The following GLP2R variants were observed in gnomAD, a reference collection of about 807,000 sequenced individuals.
The protein encoded by GLP2R is glucagon like peptide 2 receptor.
In GLP2R, 59 loss-of-function variants were observed where a neutral mutation model predicts 68.2. The observed-to-expected ratio is 0.87, with a 90% CI of 0.70 to 1.07. GLP2R has a LOEUF of 1.07. GLP2R is among the 50% of genes least tolerant of loss of function. The pLI is 0.00. For missense variants in GLP2R, 548 were observed against 677.4 expected, an observed-to-expected ratio of 0.81 and a Z score of 2.12; for synonymous variants, 270 against 265.4, an observed-to-expected ratio of 1.02 and a Z score of -0.17.
chr17:9,837,524 T>C (rs558928746), intron 3 of GLP2R, among the ~76,000 whole-genome samples: 2 of 152,284 alleles, frequency 1.3e-5, no homozygotes, highest in East Asian at 3.9e-4. Context: ...GAAGAAGGAT[T>C]TTCAAAGAAC....
chr17:9,879,984 G>A (rs2067180860), intron 10 of GLP2R, among the ~76,000 whole-genome samples: 1 of 152,174 alleles, frequency 6.6e-6, no homozygotes, highest in South Asian at 2.1e-4. Context: ...CCGGAGTAAA[G>A]AAAGAGATAG....
intron 11 of GLP2R, 110 bp from the exon 12 acceptor site, chr17:9,887,822 C>T: frequency 2.5e-6 from 2 of 800,536 alleles, no homozygotes; most frequent in Non-Finnish European, 4.6e-6. Flanking sequence ...AGTTGCACGC[C>T]TCTTCTGGAG....
intron 10 of GLP2R, among the ~76,000 whole-genome samples, chr17:9,878,304 T>C (rs1256110329): frequency 5.9e-5 from 9 of 152,192 alleles, no homozygotes; most frequent in Admixed American, 5.9e-4. Flanking sequence ...GGACACTTTT[T>C]CTAGAAATAT....
intron 9 of GLP2R, among the ~76,000 whole-genome samples, chr17:9,864,642 C>A (rs2067018404): frequency 6.6e-6 from 1 of 152,104 alleles, no homozygotes; most frequent in Admixed American, 6.5e-5. Context: ...TGTGCCTCAG[C>A]CTCCCTAGTA....
At chr17:9,842,662 C>A (rs770093730) in intron 4 of GLP2R, 46 bp downstream of exon 4, 2 of 1,607,632 alleles carry the variant, frequency 1.2e-6, no homozygotes, top group South Asian at 1.1e-5. Flanking sequence ...GTCCAAACCA[C>A]CCTCCTTCGG....
At chr17:9,830,684 A>G (rs776796766) in intron 1 of GLP2R, among the ~76,000 whole-genome samples, 3 of 152,214 alleles carry the variant, frequency 2.0e-5, no homozygotes, top group Non-Finnish European at 2.9e-5. Context: ...AGGGAAGTAC[A>G]GTGATATGTA....
At chr17:9,886,516 C>A (rs2067245398) in intron 11 of GLP2R, among the ~76,000 whole-genome samples, 2 of 152,214 alleles carry the variant, frequency 1.3e-5, no homozygotes, top group Non-Finnish European at 2.9e-5. Context: ...TGCCCAGAGG[C>A]AAATATTACC....
At chr17:9,835,297 G>A (rs2066717014) in intron 2 of GLP2R, among the ~76,000 whole-genome samples, 1 of 152,074 alleles carries the variant, frequency 6.6e-6, no homozygotes, top group African/African-American at 2.4e-5. Flanking sequence ...AGCCTAATAG[G>A]GAGCAGATGG....
At chr17:9,876,615 A>G (rs569427098) in intron 10 of GLP2R, among the ~76,000 whole-genome samples, 80 of 152,284 alleles carry the variant, frequency 5.3e-4, no homozygotes, top group Admixed American at 1.8e-3. Context: ...AGAAGGTCAG[A>G]AAATCCTTCC....
chr17:9,830,769 TTTGATGATG>T (rs2066672991), intron 1 of GLP2R, among the ~76,000 whole-genome samples: 1 of 152,150 alleles, frequency 6.6e-6, no homozygotes, highest in Admixed American at 6.5e-5. Flanking sequence ...CCCCCTCCCT[TTTGATGATG>T]TTGTCTCTTT....
At chr17:9,881,922 G>A (rs2067199721) in intron 11 of GLP2R, among the ~76,000 whole-genome samples, 1 of 152,054 alleles carries the variant, frequency 6.6e-6, no homozygotes, top group Non-Finnish European at 1.5e-5. Context: ...AAATGTTGGT[G>A]TGGGGGCAGG....
intron 1 of GLP2R, among the ~76,000 whole-genome samples, chr17:9,828,055 C>T (rs1032918291): frequency 5.3e-5 from 8 of 152,078 alleles, no homozygotes; most frequent in Non-Finnish European, 1.0e-4. Flanking sequence ...CTAAACCCCT[C>T]CAATCCCCAT....
At position 9,836,389 on chromosome 17, in the gene GLP2R, C is replaced by T; in HGVS notation, c.296C>T (p.Thr99Ile). ...TCTGTAGGCATATTTTGTAACGGGA[C>T]ATTTGATCAGTACGTGTGTTGGCCT... Reference protein sequence around the residue: ...KEPSGIFCNGTFDQYVCWPHS... With the variant: ...KEPSGIFCNGIFDQYVCWPHS... Residue 99 changes from threonine to isoleucine, a missense_variant, in exon 3 of 13, where the codon ACA becomes ATA. By Grantham distance (89) the Thr-to-Ile change is moderately conservative. Transcript: ENST00000262441. 1.9e-6 allele frequency: 3 copies of T among 1,608,208 alleles called. No homozygotes were observed. Among genetic ancestry groups the T allele is most frequent in the South Asian group, 2.2e-5 (2 of 90,968 alleles).
In GLP2R at chr17:9,889,504, T is replaced by G; in HGVS notation, c.1461T>G (p.Ala487=). 6.2e-7 allele frequency: 1 copy of G among 1,614,200 alleles called. No homozygotes were observed. The highest frequency in any genetic ancestry group is 8.5e-7 in the Non-Finnish European group (1 of 1,180,028). The change falls in exon 13 of 13, where the codon GCT becomes GCG. Residue 487 remains alanine (A), a synonymous_variant. Transcript: ENST00000262441. ...CPKKLSEGDG[A]EKLRKLQPSL... ...AGAAGCTCTCGGAAGGAGATGGCGC[T>G]GAGAAGCTTCGGAAGCTGCAGCCCT...
intron 5 of GLP2R, among the ~76,000 whole-genome samples, chr17:9,857,172 G>A (rs542383267): frequency 2.6e-5 from 4 of 152,202 alleles, no homozygotes; most frequent in South Asian, 4.2e-4. Context: ...CGCCTGTCTC[G>A]GCCTCCAAAG....
rs754206972 is a variant in GLP2R at position 9,880,417 on chromosome 17, C to T, written c.1185C>T (p.Gly395=). 1.4e-5 allele frequency: 23 copies of T among 1,598,704 alleles called. No homozygotes were observed. Among genetic ancestry groups the T allele is most frequent in the African/African-American group, 9.4e-5 (7 of 74,618 alleles). The change falls in exon 11 of 13, where the codon GGC becomes GGT. Residue 395 remains glycine (G), a synonymous_variant. Coordinates refer to ENST00000262441, the MANE Select transcript of GLP2R (RefSeq NM_004246.3). ...CACTGGTCCTCATTCCTTTATTGGG[C>T]GTTCATGAGATCCTCTTCTCTTTCA... ...KSTLVLIPLL[G]VHEILFSFIT...
chr17:9,867,159 G>A (rs1291684171), intron 9 of GLP2R, among the ~76,000 whole-genome samples: 1 of 152,164 alleles, frequency 6.6e-6, no homozygotes. Flanking sequence ...TGGGGAACAT[G>A]GATCAGAGGC....
At chr17:9,872,779 G>A (rs1156569994) in intron 10 of GLP2R, among the ~76,000 whole-genome samples, 1 of 152,180 alleles carries the variant, frequency 6.6e-6, no homozygotes, top group East Asian at 1.9e-4. Flanking sequence ...AAAAATGGGA[G>A]TGTCACTGCA....
At chr17:9,876,150 T>A (rs1421054367) in intron 10 of GLP2R, among the ~76,000 whole-genome samples, 1 of 152,154 alleles carries the variant, frequency 6.6e-6, no homozygotes, top group Non-Finnish European at 1.5e-5. Context: ...GTGCTGGGAT[T>A]ATAGGTGTGA....
Sources: allele counts gnomAD v4.1 joint callset (sites outside exome capture counted in the v4.1 genomes callset), GRCh38; gene constraint gnomAD v4.1.1; transcripts MANE v1.5; gene names NCBI Gene and HGNC (gene_info 2026-07-23, HGNC 2026-07-21).